Variants in AMER1 observed in about 807,000 individuals in gnomAD.
AMER1 encodes RP11-403E24.2.
In AMER1, 16 loss-of-function variants were observed where a neutral mutation model predicts 53.0. The observed-to-expected ratio is 0.30, with a 90% CI of 0.20 to 0.46. AMER1 has a LOEUF of 0.46. AMER1 is among the 20% of genes least tolerant of loss of function. AMER1 has a pLI of 1.00. For synonymous variants in AMER1, 354 were observed against 331.9 expected, an observed-to-expected ratio of 1.07 and a Z score of -0.73; for missense variants, 947 against 884.9, an observed-to-expected ratio of 1.07 and a Z score of -0.89.
In AMER1 at chrX:64,190,464, G is replaced by A. The variant is rs1299282605; in HGVS notation, c.2823C>T (p.Ser941=). ...TATAGAGGGAAAGGGGACTGTCTCG[G>A]CTCCATTCTCCTTCTTCCTCCTCTT... ...EDEEEEEGEW[S]RDSPLSLYTE... Residue 941 remains serine (S), a synonymous_variant, in exon 2 of 2, where the codon AGC becomes AGT. Coordinates refer to ENST00000374869, the MANE Select transcript of AMER1 (RefSeq NM_152424.4). The A allele has an allele frequency of 2.5e-6, 3 of 1,210,392 alleles. No homozygotes were observed. Among genetic ancestry groups the A allele is most frequent in the African/African-American group, 3.5e-5 (2 of 57,292 alleles).
chrX:64,189,537 T>TATA lies in AMER1; in HGVS notation c.*339_*341dup, dbSNP rs1930190189. The TATA allele has an allele frequency of 9.2e-6, 1 of 108,750 alleles. No homozygotes were observed. The highest frequency in any genetic ancestry group is 8.2e-5 in the African/African-American group (1 of 12,167). The allele number at this position is 108,750 out of a possible 1,213,427, so 9.0% of individuals were successfully genotyped here. A position where few individuals can be genotyped will look rare whatever the true frequency, so the allele number is the denominator to read the frequency against. ...GTGTATATATATATATATATATATATATATATATATATATATATATAATCA... is the reference window on the plus strand; with the variant it reads ...GTGTATATATATATATATATATATATATAATATATATATATATATATATAATCA... On this transcript the variant is annotated 3_prime_UTR_variant, in exon 2 of 2. Coordinates refer to ENST00000374869, the MANE Select transcript of AMER1 (RefSeq NM_152424.4).
chrX:64,203,461 C>T (rs916820844), intron 1 of AMER1, among the ~76,000 whole-genome samples: 3 of 111,515 alleles, frequency 2.7e-5, no homozygotes, highest in African/African-American at 9.8e-5. Flanking sequence ...GGCTGAGGTC[C>T]AGGTTTTATT....
Position 64,188,977 on chromosome X carries a change from A to T in AMER1, c.*902T>A. 1 of 807,686 alleles carries T rather than the reference A, an allele frequency of 1.2e-6. No homozygotes were observed. The highest frequency in any genetic ancestry group is 1.5e-6 in the Non-Finnish European group (1 of 672,078). The allele number at this position is 807,686 out of a possible 1,213,427, so 66.6% of individuals were successfully genotyped here. A position where few individuals can be genotyped will look rare whatever the true frequency, so the allele number is the denominator to read the frequency against. ...GTCACAAGCTTAAAAGAAGGAAAAAAAATCCTATCATTCCGGAGCTCAACA... is the reference window on the plus strand; with the variant it reads ...GTCACAAGCTTAAAAGAAGGAAAAATAATCCTATCATTCCGGAGCTCAACA... On this transcript the variant is annotated 3_prime_UTR_variant, in exon 2 of 2. Coordinates refer to ENST00000374869, the MANE Select transcript of AMER1 (RefSeq NM_152424.4).
At chrX:64,201,646 C>T (rs1027141388) in intron 1 of AMER1, among the ~76,000 whole-genome samples, 2 of 111,832 alleles carry the variant, frequency 1.8e-5, no homozygotes, top group Non-Finnish European at 3.8e-5. Flanking sequence ...AGACAGGATT[C>T]AGGTAGGGAA....
rs149109618 is a variant in AMER1 at position 64,192,976 on chromosome X, T to A, written c.311A>T (p.His104Leu). The change falls in exon 2 of 2, where the codon CAT becomes CTT. Residue 104 changes from histidine (H) to leucine (L), a missense_variant. By Grantham distance (99) the His-to-Leu change is moderately conservative. Transcript: ENST00000374869. ...TTCACTGACAACATCTTCAGGGCCA[T>A]GGGCTGCTTCACTCAGGCCATCGTG... The part of the protein sequence containing the change: ...KTHDGLSEAA[H>L]GPEDVVSEGT... The A allele has an allele frequency of 8.3e-7, 1 of 1,211,882 alleles. No individual in the cohort carries two copies. Among genetic ancestry groups the A allele is most frequent in the Non-Finnish European group, 1.1e-6 (1 of 895,540 alleles).
At position 64,186,011 on chromosome X, in the gene AMER1, A is replaced by C; in HGVS notation, c.*3868T>G. The C allele has an allele frequency of 1.4e-6, 1 of 732,706 alleles. No homozygotes were observed. Among genetic ancestry groups the C allele is most frequent in the Admixed American group, 3.2e-5 (1 of 31,689 alleles). The allele number at this position is 732,706 out of a possible 1,213,427, so 60.4% of individuals were successfully genotyped here. A position where few individuals can be genotyped will look rare whatever the true frequency, so the allele number is the denominator to read the frequency against. ...CAAAACTAAAGCACAAAACATAACG[A>C]GGAAAAAAAATAAGACACATGAGTA... On this transcript the variant is annotated 3_prime_UTR_variant, in exon 2 of 2. Coordinates refer to ENST00000374869, the MANE Select transcript of AMER1 (RefSeq NM_152424.4).
chrX:64,188,529 G>A lies in AMER1; in HGVS notation c.*1350C>T. 3.7e-6 allele frequency: 3 copies of A among 804,408 alleles called. No homozygotes were observed. 66.3% of individuals were successfully genotyped at this position (804,408 alleles called of 1,213,427 possible). On this transcript the variant is annotated 3_prime_UTR_variant, in exon 2 of 2. Transcript: ENST00000374869. Reference sequence around the variant, plus strand: ...GTCATTTGATGATGCTAAGGACTCGGCTAATTGGAAGATAAAAGCTCTTTA... The same window carrying A: ...GTCATTTGATGATGCTAAGGACTCGACTAATTGGAAGATAAAAGCTCTTTA...
In AMER1 at chrX:64,185,520, A is replaced by G. The variant is rs1248207729; in HGVS notation, c.*4359T>C. ...ACAATAATTAAAGTCCCACCTCTCA[A>G]TAGACCCAACCCTCACACATATACA... On this transcript the variant is annotated 3_prime_UTR_variant, in exon 2 of 2. Coordinates refer to ENST00000374869, the MANE Select transcript of AMER1 (RefSeq NM_152424.4). The G allele has an allele frequency of 6.1e-6, 1 of 163,380 alleles. No individual in the cohort carries two copies. Among genetic ancestry groups the G allele is most frequent in the Non-Finnish European group, 1.2e-5 (1 of 86,574 alleles). 13.5% of individuals were successfully genotyped at this position (163,380 alleles called of 1,213,427 possible). A position where few individuals can be genotyped will look rare whatever the true frequency, so the allele number is the denominator to read the frequency against.
chrX:64,189,799 A>ACCCCCCCCCCCCCCCCC lies in AMER1; in HGVS notation c.*79_*80insGGGGGGGGGGGGGGGGG. 1 of 125,106 alleles carries ACCCCCCCCCCCCCCCCC rather than the reference A, an allele frequency of 8.0e-6. No homozygotes were observed. The highest frequency in any genetic ancestry group is 7.0e-5 in the South Asian group (1 of 14,321). 10.3% of individuals were successfully genotyped at this position (125,106 alleles called of 1,213,427 possible). ...GTTTTCAAGTTAAACAACAACCCCCACCCCCCCACCCTTCTGCCCAACCCC... is the reference window on the plus strand; with the variant it reads ...GTTTTCAAGTTAAACAACAACCCCCACCCCCCCCCCCCCCCCCCCCCCCCACCCTTCTGCCCAACCCC... On this transcript the variant is annotated 3_prime_UTR_variant, in exon 2 of 2. Transcript: ENST00000374869.
rs773867277 is a variant in AMER1, at chrX:64,186,459, T to A, written c.*3420A>T. On this transcript the variant is annotated 3_prime_UTR_variant, in exon 2 of 2. Transcript: ENST00000374869. ...TATATATATATATATTAAAAACAACTTGAATGCAACATACACATGGGTAAA... is the reference window on the plus strand; with the variant it reads ...TATATATATATATATTAAAAACAACATGAATGCAACATACACATGGGTAAA... 6 of 773,793 alleles carry A rather than the reference T, an allele frequency of 7.8e-6. No individual in the cohort carries two copies. The highest frequency in any genetic ancestry group is 1.6e-4 in the Admixed American group (2 of 12,747). 63.8% of individuals were successfully genotyped at this position (773,793 alleles called of 1,213,427 possible).
Position 64,192,078 on chromosome X carries a change from ATCT to A in AMER1, c.1206_1208del (p.Glu402del). The A allele has an allele frequency of 8.3e-7, 1 of 1,211,557 alleles. No homozygotes were observed. The highest frequency in any genetic ancestry group is 2.2e-5 in the Admixed American group (1 of 46,055). On this transcript the variant is annotated inframe_deletion, in exon 2 of 2. Coordinates refer to ENST00000374869, the MANE Select transcript of AMER1 (RefSeq NM_152424.4). ...TTTCCCACAGATATTCTAAGTCATC[ATCT>A]TCTTCCTCCTCCTTAACCTCCTCTT...
chrX:64,202,458 T>C (rs1461559008), intron 1 of AMER1, among the ~76,000 whole-genome samples: 1 of 111,913 alleles, frequency 8.9e-6, no homozygotes, highest in Non-Finnish European at 1.9e-5. Flanking sequence ...TATCCTTAAA[T>C]AGCTGTGTGA....
intron 1 of AMER1, among the ~76,000 whole-genome samples, chrX:64,195,344 T>C (rs1006145021): frequency 8.9e-6 from 1 of 112,090 alleles, no homozygotes; most frequent in African/African-American, 3.2e-5. Flanking sequence ...GGGGAGGCAG[T>C]ACTGGAGTTG....
chrX:64,197,079 GGACAGAC>G (rs2147093117), intron 1 of AMER1, among the ~76,000 whole-genome samples: 1 of 112,785 alleles, frequency 8.9e-6, no homozygotes, highest in Non-Finnish European at 1.9e-5. Flanking sequence ...AGACAGCAAA[GGACAGAC>G]TCTGCAGATC....
rs971438605 is a variant in AMER1, at chrX:64,189,312, A to T, written c.*567T>A. Reference sequence around the variant, plus strand: ...ATCTGTACCATAATTTCACATTGCTAATAGCAAATAAGCCCCACTTCCCCA... The same window carrying T: ...ATCTGTACCATAATTTCACATTGCTTATAGCAAATAAGCCCCACTTCCCCA... On this transcript the variant is annotated 3_prime_UTR_variant, in exon 2 of 2. Coordinates refer to ENST00000374869, the MANE Select transcript of AMER1 (RefSeq NM_152424.4). 1.1e-5 allele frequency: 9 copies of T among 784,973 alleles called. No homozygotes were observed. The African/African-American group carries it at 1.8e-4, about 16-fold the overall frequency. 64.7% of individuals were successfully genotyped at this position (784,973 alleles called of 1,213,427 possible).
chrX:64,187,970 A>G lies in AMER1; in HGVS notation c.*1909T>C. ...GGTGGTGTTAGTGCCATGCAAATTCATGTGGTGCTTCCAGGGGTGCAGCTT... is the reference window on the plus strand; with the variant it reads ...GGTGGTGTTAGTGCCATGCAAATTCGTGTGGTGCTTCCAGGGGTGCAGCTT... On this transcript the variant is annotated 3_prime_UTR_variant, in exon 2 of 2. Coordinates refer to ENST00000374869, the MANE Select transcript of AMER1 (RefSeq NM_152424.4). The G allele has an allele frequency of 1.3e-6, 1 of 780,495 alleles. No homozygotes were observed. Among genetic ancestry groups the G allele is most frequent in the Non-Finnish European group, 1.5e-6 (1 of 654,828 alleles). 64.3% of individuals were successfully genotyped at this position (780,495 alleles called of 1,213,427 possible).
Position 64,189,810 on chromosome X carries a change from C to T in AMER1, c.*69G>A. 1.9e-6 allele frequency: 2 copies of T among 1,042,436 alleles called. No homozygotes were observed. The highest frequency in any genetic ancestry group is 3.1e-5 in the Admixed American group (1 of 31,932). The allele number at this position is 1,042,436 out of a possible 1,213,427, so 85.9% of individuals were successfully genotyped here. ...AAACAACAACCCCCACCCCCCCACC[C>T]TTCTGCCCAACCCCTGATCCCCATT... On this transcript the variant is annotated 3_prime_UTR_variant, in exon 2 of 2. Transcript: ENST00000374869.
At chrX:64,199,399 T>C (rs1000233271) in intron 1 of AMER1, among the ~76,000 whole-genome samples, 15 of 112,125 alleles carry the variant, frequency 1.3e-4, no homozygotes, top group Non-Finnish European at 2.6e-4. Flanking sequence ...GGAACTGGAA[T>C]GCCAGCCTCA....
At chrX:64,194,122 C>G (rs1930316133) in intron 1 of AMER1, among the ~76,000 whole-genome samples, 1 of 112,014 alleles carries the variant, frequency 8.9e-6, no homozygotes, top group African/African-American at 3.3e-5. Context: ...ATCAATATCT[C>G]TCCCTCAGAG....
Sources: gnomAD v4.1 joint callset for allele counts (sites outside exome capture counted in the v4.1 genomes callset) on GRCh38, gnomAD v4.1.1 for gene constraint, MANE v1.5 for transcripts, NCBI Gene and HGNC (gene_info 2026-07-23, HGNC 2026-07-21) for gene names.